NIN: variants seen among roughly 807,000 people sequenced by gnomAD.
NIN encodes glycogen synthase kinase 3 beta-interacting protein.
In NIN, 137 loss-of-function variants were observed where a neutral mutation model predicts 257.6. The observed-to-expected ratio is 0.53, with a 90% CI of 0.46 to 0.61. The LOEUF is 0.61. NIN is among the 20% of genes least tolerant of loss of function. The pLI is 0.00. For missense variants in NIN, 2,439 were observed against 2,501.2 expected (o/e 0.98, Z 0.53); for synonymous variants, 918 against 919.8 (o/e 1.00, Z 0.04).
intron 6 of NIN, among the ~76,000 whole-genome samples, chr14:50,778,287 C>T (rs2042997097): frequency 6.6e-6 from 1 of 152,202 alleles, no homozygotes; most frequent in Non-Finnish European, 1.5e-5. Context: ...AATGGATTCT[C>T]CCACCTCAGC....
intron 22 of NIN, among the ~76,000 whole-genome samples, chr14:50,744,988 C>T (rs1229625129): frequency 6.6e-6 from 1 of 152,118 alleles, no homozygotes; most frequent in Non-Finnish European, 1.5e-5. Flanking sequence ...AACCCAAAGG[C>T]AAGTTTAAAG....
intron 12 of NIN, among the ~76,000 whole-genome samples, chr14:50,768,818 C>G (rs1227750143): frequency 6.6e-6 from 1 of 152,164 alleles, no homozygotes; most frequent in Non-Finnish European, 1.5e-5. Context: ...AAGAACTGTT[C>G]AGGATACACA....
Position 50,758,132 on chromosome 14 carries a change from GC to G in NIN, c.2897del (p.Ser966ThrfsTer7). On this transcript the variant is annotated frameshift_variant, in exon 18 of 31. Coordinates refer to ENST00000530997, the MANE Select transcript of NIN (RefSeq NM_020921.4). LOFTEE classifies it high-confidence loss of function. The part of the protein sequence containing the change: ...CQAGASEQLA[S>X]QRLERLEMEH... ...CCATTTCTAGTCTTTCCAGCCGCTG[GC>G]TGGCCAGCTGCTCCGAAGCCCCTGC... 1 of 1,614,124 alleles carries G rather than the reference GC, an allele frequency of 6.2e-7. No homozygotes were observed. The highest frequency in any genetic ancestry group is 8.5e-7 in the Non-Finnish European group (1 of 1,180,024).
chr14:50,731,641 C>T (rs1298976712), intron 28 of NIN, among the ~76,000 whole-genome samples: 7 of 152,018 alleles, frequency 4.6e-5, no homozygotes, highest in African/African-American at 1.7e-4. Context: ...CAAGACCATC[C>T]TGGCAACGTG....
chr14:50,758,742 C>G, intron 17 of NIN, 112 bp from the exon 18 acceptor site: 1 of 937,780 alleles, frequency 1.1e-6, no homozygotes, highest in Non-Finnish European at 1.5e-6. Context: ...TGAAATACTC[C>G]CTAAAAATGC....
At chr14:50,798,199 C>T (rs2142086508) in intron 4 of NIN, among the ~76,000 whole-genome samples, 1 of 152,304 alleles carries the variant, frequency 6.6e-6, no homozygotes, top group East Asian at 1.9e-4. Flanking sequence ...CCAACTACTT[C>T]TCTCTCCTGG....
At chr14:50,748,133 A>C in intron 21 of NIN, 28 bp from the exon 22 acceptor site, 1 of 1,452,210 alleles carries the variant, frequency 6.9e-7, no homozygotes, top group Non-Finnish European at 9.7e-7. Context: ...AAGTCAAATA[A>C]CAGACATACA....
intron 5 of NIN, among the ~76,000 whole-genome samples, chr14:50,789,846 G>A (rs187981117): frequency 1.3e-4 from 20 of 152,240 alleles, no homozygotes; most frequent in Admixed American, 1.1e-3. Context: ...CAACTGCTAA[G>A]CCTAATATGG....
intron 28 of NIN, 57 bp from the exon 29 acceptor site, chr14:50,729,780 CT>C: frequency 1.5e-6 from 2 of 1,353,892 alleles, no homozygotes; most frequent in Non-Finnish European, 2.0e-6. Flanking sequence ...CAGAGCTGCC[CT>C]TTATGGTGTC....
chr14:50,809,061 A>T (rs2044462246), intron 3 of NIN, among the ~76,000 whole-genome samples: 1 of 152,126 alleles, frequency 6.6e-6, no homozygotes. Flanking sequence ...TCTCCACTAA[A>T]AATACAAAAA....
rs2040270588 is a variant in NIN at position 50,721,532 on chromosome 14, C to T, written c.*1931G>A. On this transcript the variant is annotated 3_prime_UTR_variant, in exon 31 of 31. Coordinates refer to ENST00000530997, the MANE Select transcript of NIN (RefSeq NM_020921.4). ...GTACTTAGTTTATTTTTGTCCTTAGCCTAGGCCAATCCACAGTTTTAAGTG... is the reference window on the plus strand; with the variant it reads ...GTACTTAGTTTATTTTTGTCCTTAGTCTAGGCCAATCCACAGTTTTAAGTG... The T allele has an allele frequency of 9.2e-6, 2 of 218,010 alleles. No homozygotes were observed. Among genetic ancestry groups the T allele is most frequent in the Non-Finnish European group, 1.8e-5 (2 of 108,332 alleles). 13.5% of individuals were successfully genotyped at this position (218,010 alleles called of 1,614,324 possible).
chr14:50,757,808 A>T lies in NIN; in HGVS notation c.3222T>A (p.His1074Gln). The change falls in exon 18 of 31, where the codon CAT becomes CAA. Residue 1074 changes from histidine (H) to glutamine (Q), a missense_variant. Physicochemically the swap from His to Gln is conservative, Grantham distance 24 (BLOSUM62 0). Transcript: ENST00000530997. ...TCACATTTTCCTTCACTGCCTGTTC[A>T]TGAGCTCTCTGCAGGCTTAAGAGGA... Reference protein sequence around the residue: ...GDVLLSLQRAHEQAVKENVKM... With the variant: ...GDVLLSLQRAQEQAVKENVKM... 1 of 1,614,132 alleles carries T rather than the reference A, an allele frequency of 6.2e-7. No individual in the cohort carries two copies.
In NIN at chr14:50,733,329, G is replaced by C. The variant is rs547621270; in HGVS notation, c.5877+2187C>G. ...GCTGGTCTCGAACTCCTGACCTTGT[G>C]AACCACCTGCCTCAGCCTCCCAAAG... is the stretch of plus-strand genomic sequence containing the variant. On this transcript the variant is annotated intron_variant, in intron 28 of 30. Transcript: ENST00000530997. Among the ~76,000 whole-genome samples the C allele has an allele frequency of 2.6e-5, 4 of 152,272 alleles. No individual in the cohort carries two copies. In the East Asian group the frequency reaches 7.7e-4, roughly 29 times the overall value.
chr14:50,796,791 C>T (rs1434857342), intron 4 of NIN, among the ~76,000 whole-genome samples: 1 of 152,142 alleles, frequency 6.6e-6, no homozygotes, highest in Non-Finnish European at 1.5e-5. Flanking sequence ...AGAAACACAG[C>T]CTCCCCTACT....
At chr14:50,790,500 G>C (rs1355759720) in intron 5 of NIN, among the ~76,000 whole-genome samples, 1 of 152,192 alleles carries the variant, frequency 6.6e-6, no homozygotes, top group Non-Finnish European at 1.5e-5. Flanking sequence ...GTGGTACAAA[G>C]GTGTTATCTT....
intron 14 of NIN, among the ~76,000 whole-genome samples, chr14:50,765,981 C>T (rs1296779271): frequency 3.3e-5 from 5 of 151,346 alleles, no homozygotes; most frequent in African/African-American, 7.3e-5. Flanking sequence ...GTATATCTCC[C>T]GGTGCTATCC....
rs966183472 is a variant in NIN, at chr14:50,757,640, G to A, written c.3390C>T (p.Asn1130=). Residue 1130 remains asparagine (N), a synonymous_variant, in exon 18 of 31, where the codon AAC becomes AAT. Coordinates refer to ENST00000530997, the MANE Select transcript of NIN (RefSeq NM_020921.4). ...TCACACCTTCTACTTGCTTCGTTCG[G>A]TTTTGCTGTAAAAACTGCTCTGTTT... The part of the protein sequence containing the change: ...AEQTEQFLQQ[N]RTKQVEGVTR... The A allele has an allele frequency of 6.2e-7, 1 of 1,614,058 alleles. No homozygotes were observed. The highest frequency in any genetic ancestry group is 1.1e-5 in the South Asian group (1 of 91,082).
Position 50,741,563 on chromosome 14 carries a change from TAAA to T in NIN, c.5448+16_5448+18del. 6.2e-7 allele frequency: 1 copy of T among 1,609,694 alleles called. No homozygotes were observed. The highest frequency in any genetic ancestry group is 8.5e-7 in the Non-Finnish European group (1 of 1,178,128). ...TTACTGTAAATAACTTATACCTAAA[TAAA>T]AAAAGAACAAATCACCTTGCCACCA... On this transcript the variant is annotated intron_variant, in intron 25 of 30. Coordinates refer to ENST00000530997, the MANE Select transcript of NIN (RefSeq NM_020921.4).
At chr14:50,814,155 GC>G (rs1391525159) in intron 3 of NIN, among the ~76,000 whole-genome samples, 2 of 152,136 alleles carry the variant, frequency 1.3e-5, no homozygotes, top group Non-Finnish European at 1.5e-5. Flanking sequence ...AGAGGCAAAG[GC>G]TATTTTAAAA....
Sources: allele counts gnomAD v4.1 joint callset (sites outside exome capture counted in the v4.1 genomes callset), GRCh38; gene constraint gnomAD v4.1.1; transcripts MANE v1.5; gene names NCBI Gene and HGNC (gene_info 2026-07-23, HGNC 2026-07-21).